NCOA1: variants seen among roughly 807,000 people sequenced by gnomAD.
NCOA1 encodes the protein nuclear receptor coactivator 1.
NCOA1 carries 35 observed loss-of-function variants against 150.9 expected under a neutral mutation model. That is an observed-to-expected ratio of 0.23 (90% CI 0.18 to 0.31). NCOA1 has a LOEUF of 0.31. Among genes scored for constraint, NCOA1 ranks in the 10% least tolerant of loss-of-function variants. NCOA1 has a pLI of 1.00. For missense variants in NCOA1, 1,491 were observed against 1,749.3 expected (o/e 0.85, Z 2.63); for synonymous variants, 590 against 630.0 (o/e 0.94, Z 0.95).
chr2:24,562,291 T>C (rs1487338869), intron 1 of NCOA1, among the ~76,000 whole-genome samples: 1 of 152,202 alleles, frequency 6.6e-6, no homozygotes, highest in Non-Finnish European at 1.5e-5. Context: ...ACAAAACTTT[T>C]TGAATGCTGA....
chr2:24,631,701 T>C (rs1181181752), intron 3 of NCOA1, among the ~76,000 whole-genome samples: 1 of 152,206 alleles, frequency 6.6e-6, no homozygotes, highest in African/African-American at 2.4e-5. Context: ...GGATTTTTTT[T>C]CCTGCTTTAT....
chr2:24,516,078 T>C (rs191230380), intron 1 of NCOA1, among the ~76,000 whole-genome samples: 51 of 152,118 alleles, frequency 3.4e-4, no homozygotes, highest in African/African-American at 1.2e-3. Flanking sequence ...AGCTGCTTGG[T>C]AGGCTGAATA....
At chr2:24,575,982 G>C (rs1318794361) in intron 2 of NCOA1, among the ~76,000 whole-genome samples, 2 of 152,070 alleles carry the variant, frequency 1.3e-5, no homozygotes, top group Non-Finnish European at 2.9e-5. Flanking sequence ...GTTAGGGTGA[G>C]TCTGGAGCAG....
chr2:24,651,860 A>C (rs1313609696), intron 4 of NCOA1, among the ~76,000 whole-genome samples: 2 of 152,058 alleles, frequency 1.3e-5, no homozygotes, highest in African/African-American at 4.8e-5. Context: ...GATGGCTGTA[A>C]TTTTTTAAAG....
Position 24,762,766 on chromosome 2 carries a change from A to G in NCOA1, c.4145A>G (p.Asp1382Gly). The change falls in exon 22 of 23, where the codon GAT (aspartate) becomes GGT (glycine). Residue 1382 changes from aspartate to glycine, a missense_variant. Asp to Gly is a moderately conservative substitution (Grantham distance 94). Coordinates refer to ENST00000348332, the MANE Select transcript of NCOA1 (RefSeq NM_003743.5). ...SSTDLLKTEA[D>G]GTQQVQQVQV... ...ACTGACCTTCTCAAAACAGAAGCAG[A>G]TGGAACCCAGGTCAGTAAGGAAATT... The G allele has an allele frequency of 1.2e-6, 2 of 1,613,788 alleles. No homozygotes were observed. The highest frequency in any genetic ancestry group is 1.7e-6 in the Non-Finnish European group (2 of 1,179,690).
intron 1 of NCOA1, among the ~76,000 whole-genome samples, chr2:24,519,671 A>AAAAAAAAAT: frequency 6.6e-6 from 1 of 151,004 alleles, no homozygotes. Flanking sequence ...AAAAAAAAAA[A>AAAAAAAAAT]TTAGCTGGGT....
chr2:24,695,123 G>A (rs1418617828), intron 10 of NCOA1, among the ~76,000 whole-genome samples: 1 of 152,012 alleles, frequency 6.6e-6, no homozygotes, highest in Non-Finnish European at 1.5e-5. Context: ...TTGCTTTGAG[G>A]ACTGTATTTT....
At chr2:24,659,730 A>T (rs184801416) in intron 5 of NCOA1, among the ~76,000 whole-genome samples, 7 of 152,186 alleles carry the variant, frequency 4.6e-5, no homozygotes, top group Admixed American at 1.3e-4. Context: ...CACTATTGAC[A>T]TTTCGTGTCA....
At chr2:24,505,792 A>G (rs1339427809) in intron 1 of NCOA1, among the ~76,000 whole-genome samples, 1 of 152,206 alleles carries the variant, frequency 6.6e-6, no homozygotes, top group African/African-American at 2.4e-5. Context: ...TGACCTGAGC[A>G]GGTTGAGTCC....
At chr2:24,749,508 G>A (rs2148675324) in intron 19 of NCOA1, among the ~76,000 whole-genome samples, 1 of 152,324 alleles carries the variant, frequency 6.6e-6, no homozygotes, top group East Asian at 1.9e-4. Context: ...AGTTCATACA[G>A]GGCCAGTTCC....
chr2:24,514,024 C>T (rs1215637647), intron 1 of NCOA1, among the ~76,000 whole-genome samples: 2 of 152,114 alleles, frequency 1.3e-5, no homozygotes, highest in Non-Finnish European at 2.9e-5. Context: ...TGCGGTGGCT[C>T]ATGCCTGTAA....
At chr2:24,674,041 A>G (rs1572573688) in intron 7 of NCOA1, among the ~76,000 whole-genome samples, 1 of 39,070 alleles carries the variant, frequency 2.6e-5, no homozygotes, top group Non-Finnish European at 8.8e-5. Flanking sequence ...CTGCATTCTC[A>G]ATATAGATGT....
At chr2:24,690,704 T>G (rs969619270) in intron 8 of NCOA1, among the ~76,000 whole-genome samples, 1 of 133,780 alleles carries the variant, frequency 7.5e-6, no homozygotes, top group Non-Finnish European at 1.6e-5. Context: ...CCTCTGATCA[T>G]CTCATGACCA....
chr2:24,508,558 A>G (rs1201682291), intron 1 of NCOA1, among the ~76,000 whole-genome samples: 2 of 152,132 alleles, frequency 1.3e-5, no homozygotes, highest in African/African-American at 4.8e-5. Flanking sequence ...GGAGAATTCA[A>G]AAAAATTTTA....
At chr2:24,640,444 G>T (rs2148454918) in intron 3 of NCOA1, among the ~76,000 whole-genome samples, 1 of 152,280 alleles carries the variant, frequency 6.6e-6, no homozygotes, top group East Asian at 1.9e-4. Context: ...GATATGTACA[G>T]ATTTTTCTAT....
chr2:24,754,764 AT>A (rs1446162375), intron 20 of NCOA1, among the ~76,000 whole-genome samples: 7 of 152,158 alleles, frequency 4.6e-5, no homozygotes, highest in African/African-American at 9.7e-5. Flanking sequence ...CAAGGACTTT[AT>A]TTTGTATTAC....
intron 1 of NCOA1, among the ~76,000 whole-genome samples, chr2:24,543,896 A>G (rs1443329013): frequency 2.0e-5 from 3 of 152,190 alleles, no homozygotes; most frequent in Non-Finnish European, 4.4e-5. Context: ...TTTGTTTTTT[A>G]GAAAAATTAC....
intron 6 of NCOA1, among the ~76,000 whole-genome samples, chr2:24,667,108 A>T (rs953671818): frequency 6.6e-6 from 1 of 152,226 alleles, no homozygotes; most frequent in East Asian, 1.9e-4. Flanking sequence ...TCAGATTATT[A>T]GCATTAAAGT....
intron 3 of NCOA1, among the ~76,000 whole-genome samples, chr2:24,618,718 C>T (rs1182942452): frequency 1.3e-5 from 2 of 152,058 alleles, no homozygotes; most frequent in African/African-American, 2.4e-5. Context: ...ATGTTCCCCC[C>T]TCCTGTATTC....
Sources: gnomAD v4.1 joint callset for allele counts (sites outside exome capture counted in the v4.1 genomes callset) on GRCh38, gnomAD v4.1.1 for gene constraint, MANE v1.5 for transcripts, NCBI Gene and HGNC (gene_info 2026-07-23, HGNC 2026-07-21) for gene names.